PPP2R2B: variants seen among roughly 807,000 people sequenced by gnomAD.
PPP2R2B encodes the protein serine/threonine-protein phosphatase 2A 55 kDa regulatory subunit B beta isoform.
A neutral mutation model predicts 46.0 loss-of-function variants in PPP2R2B; 5 were observed. The observed-to-expected ratio is 0.11, with a 90% confidence interval of 0.06 to 0.23. The LOEUF is 0.23. Ranked by LOEUF, PPP2R2B falls within the 10% of genes least tolerant of loss-of-function variation. The pLI is 1.00. For missense variants in PPP2R2B, 367 were observed against 575.0 expected (o/e 0.64, Z 3.70); for synonymous variants, 215 against 206.7 (o/e 1.04, Z -0.34).
intron 1 of PPP2R2B, among the ~76,000 whole-genome samples, chr5:147,053,230 AC>A (rs1756916303): frequency 7.6e-6 from 1 of 131,328 alleles, no homozygotes; most frequent in African/African-American, 2.6e-5. Flanking sequence ...AAAAAAACAC[AC>A]GCGCACACAA....
intron 1 of PPP2R2B, among the ~76,000 whole-genome samples, chr5:146,947,097 C>G (rs1454480283): frequency 6.6e-6 from 1 of 152,140 alleles, no homozygotes; most frequent in Non-Finnish European, 1.5e-5. Context: ...AAGCTCATTA[C>G]TAAACGTTTA....
intron 7 of PPP2R2B, among the ~76,000 whole-genome samples, chr5:146,631,075 C>A (rs2151070118): frequency 6.6e-6 from 1 of 152,270 alleles, no homozygotes; most frequent in Non-Finnish European, 1.5e-5. Context: ...GGGGAAGAAA[C>A]AAAACAAAAT....
chr5:146,708,555 C>T (rs1780033463), intron 2 of PPP2R2B, among the ~76,000 whole-genome samples: 3 of 152,070 alleles, frequency 2.0e-5, no homozygotes, highest in Admixed American at 6.6e-5. Context: ...AAAGTTCCTT[C>T]ATACTGCTCT....
At chr5:146,669,780 A>G (rs907512098) in intron 5 of PPP2R2B, among the ~76,000 whole-genome samples, 1 of 152,204 alleles carries the variant, frequency 6.6e-6, no homozygotes, top group African/African-American at 2.4e-5. Flanking sequence ...CAGTGAGGTT[A>G]AATGACATAA....
At chr5:146,810,874 T>TC (rs1757496598) in intron 2 of PPP2R2B, among the ~76,000 whole-genome samples, 1 of 83,692 alleles carries the variant, frequency 1.2e-5, no homozygotes, top group Non-Finnish European at 2.3e-5. Context: ...CCGTCCCCCC[T>TC]CCCCCCACCC....
intron 2 of PPP2R2B, among the ~76,000 whole-genome samples, chr5:146,714,645 C>A (rs950121409): frequency 3.9e-5 from 6 of 152,094 alleles, no homozygotes; most frequent in African/African-American, 1.4e-4. Context: ...CAAACCCTAC[C>A]CACAGCCAAA....
chr5:147,028,566 A>G (rs1050235176), intron 1 of PPP2R2B, among the ~76,000 whole-genome samples: 23 of 152,102 alleles, frequency 1.5e-4, no homozygotes, highest in Admixed American at 1.2e-3. Flanking sequence ...ATATCTCACA[A>G]TTTACTTGGT....
chr5:147,033,029 ACT>A (rs755861751), intron 1 of PPP2R2B, among the ~76,000 whole-genome samples: 8 of 152,130 alleles, frequency 5.3e-5, no homozygotes, highest in Non-Finnish European at 1.0e-4. Flanking sequence ...GCCAACATCT[ACT>A]GTTTTCTGAT....
At chr5:146,781,131 G>GAGATATATATATATATAT (rs1755486703) in intron 2 of PPP2R2B, among the ~76,000 whole-genome samples, 1 of 49,474 alleles carries the variant, frequency 2.0e-5, no homozygotes, top group Non-Finnish European at 4.4e-5. Context: ...ATGCCACCAT[G>GAGATATATATATATATAT]ATATATATAT....
chr5:146,618,747 T>C (rs1157019511), intron 7 of PPP2R2B, among the ~76,000 whole-genome samples: 1 of 152,162 alleles, frequency 6.6e-6, no homozygotes, highest in Non-Finnish European at 1.5e-5. Flanking sequence ...AGCCACTCTT[T>C]CCTCCCAGCA....
intron 2 of PPP2R2B, among the ~76,000 whole-genome samples, chr5:146,798,756 T>A (rs1458117741): frequency 6.6e-6 from 1 of 152,184 alleles, no homozygotes; most frequent in Non-Finnish European, 1.5e-5. Context: ...AATAACTTGA[T>A]GAGGTAGGCA....
intron 2 of PPP2R2B, among the ~76,000 whole-genome samples, chr5:146,747,629 A>T (rs1047975173): frequency 6.6e-6 from 1 of 152,232 alleles, no homozygotes. Flanking sequence ...ATCAAAATCA[A>T]TGTGGAGCAG....
intron 2 of PPP2R2B, among the ~76,000 whole-genome samples, chr5:146,863,037 T>C (rs1336692454): frequency 4.0e-5 from 6 of 151,862 alleles, no homozygotes; most frequent in Non-Finnish European, 1.5e-5. Flanking sequence ...CTTTTGCTTT[T>C]TTTTTTTTCC....
At chr5:146,609,386 T>C (rs1435319644) in intron 7 of PPP2R2B, among the ~76,000 whole-genome samples, 3 of 152,154 alleles carry the variant, frequency 2.0e-5, no homozygotes, top group Non-Finnish European at 4.4e-5. Flanking sequence ...GGCATCCAAA[T>C]TGGAAAAGAA....
intron 2 of PPP2R2B, among the ~76,000 whole-genome samples, chr5:146,837,409 AC>A (rs1759352637): frequency 6.6e-6 from 1 of 152,232 alleles, no homozygotes; most frequent in African/African-American, 2.4e-5. Flanking sequence ...TTATCAGGAT[AC>A]AAACCTGTGG....
rs1762417931 is a variant in PPP2R2B at position 146,889,165 on chromosome 5, A to C, written c.79+166500T>G. On this transcript the variant is annotated intron_variant, in intron 1 of 8. Transcript: ENST00000336640. ...TAATAAGGATGAATCACAAGGGAAA[A>C]TTAATGAACAACAAACCTAGGATGC... Among the ~76,000 whole-genome samples the C allele has an allele frequency of 2.6e-5, 4 of 152,356 alleles. No individual in the cohort carries two copies. The South Asian group carries it at 8.3e-4, about 32-fold the overall frequency.
chr5:146,714,596 T>C (rs191804622), intron 2 of PPP2R2B, among the ~76,000 whole-genome samples: 5 of 152,210 alleles, frequency 3.3e-5, no homozygotes, highest in African/African-American at 1.2e-4. Flanking sequence ...GAATGAGGAC[T>C]GGTCGCCACT....
At chr5:146,857,915 G>A (rs989000618) in intron 2 of PPP2R2B, among the ~76,000 whole-genome samples, 3 of 152,108 alleles carry the variant, frequency 2.0e-5, no homozygotes, top group Non-Finnish European at 2.9e-5. Context: ...TCGAACTCCC[G>A]ACCTCAGGTG....
At chr5:147,056,057 C>A, upstream of PPP2R2B, 7 of 1,137,574 alleles carry the variant, frequency 6.2e-6, no homozygotes, top group African/African-American at 1.6e-5. Flanking sequence ...TGTAAACACA[C>A]GCTGAAATGC....
Sources: gnomAD v4.1 joint callset for allele counts (sites outside exome capture counted in the v4.1 genomes callset) on GRCh38, gnomAD v4.1.1 for gene constraint, MANE v1.5 for transcripts, NCBI Gene and HGNC (gene_info 2026-07-23, HGNC 2026-07-21) for gene names.